CNTN4: variants seen among roughly 807,000 people sequenced by gnomAD.
The protein encoded by CNTN4 is contactin 4.
CNTN4 carries 77 observed loss-of-function variants against 122.5 expected under a neutral mutation model. The ratio of observed to expected loss-of-function variants is 0.63; its 90% confidence interval spans 0.52 to 0.76. CNTN4 has a LOEUF of 0.76. CNTN4 is among the 30% of genes least tolerant of loss of function. The pLI, the probability that CNTN4 is intolerant of heterozygous loss-of-function variation, is 0.00. For missense variants in CNTN4, 1,256 were observed against 1,259.1 expected (o/e 1.00, Z 0.04); for synonymous variants, 512 against 447.0 (o/e 1.15, Z -1.83).
At chr3:2,346,342 A>C (rs1266854640) in intron 3 of CNTN4, among the ~76,000 whole-genome samples, 2 of 152,094 alleles carry the variant, frequency 1.3e-5, no homozygotes, top group Non-Finnish European at 2.9e-5. Context: ...GTTATTTTCT[A>C]TGCATATTAT....
At chr3:2,626,856 G>T (rs1312165861) in intron 4 of CNTN4, among the ~76,000 whole-genome samples, 1 of 152,270 alleles carries the variant, frequency 6.6e-6, no homozygotes, top group African/African-American at 2.4e-5. Flanking sequence ...CAAGCGTCTA[G>T]GCCTCCACAT....
intron 3 of CNTN4, among the ~76,000 whole-genome samples, chr3:2,543,594 G>T (rs1481842930): frequency 1.3e-5 from 2 of 152,074 alleles, no homozygotes; most frequent in African/African-American, 4.8e-5. Context: ...TAGCTTCAGT[G>T]AGGATAATAG....
chr3:2,699,192 C>T (rs573410495), intron 4 of CNTN4, among the ~76,000 whole-genome samples: 1 of 152,142 alleles, frequency 6.6e-6, no homozygotes, highest in East Asian at 1.9e-4. Context: ...GGTATAACTT[C>T]AGATTAATGA....
chr3:2,245,530 C>G (rs187823940), intron 2 of CNTN4, among the ~76,000 whole-genome samples: 4 of 152,092 alleles, frequency 2.6e-5, no homozygotes, highest in Admixed American at 2.6e-4. Flanking sequence ...CCAATAACTC[C>G]TATTGCATTG....
intron 2 of CNTN4, among the ~76,000 whole-genome samples, chr3:2,107,774 A>T (rs1574837410): frequency 6.6e-6 from 1 of 152,236 alleles, no homozygotes; most frequent in Non-Finnish European, 1.5e-5. Context: ...TAAGGAAGGG[A>T]GTGGGGGTTT....
chr3:2,642,454 G>A (rs1281293274), intron 4 of CNTN4, among the ~76,000 whole-genome samples: 1 of 152,124 alleles, frequency 6.6e-6, no homozygotes, highest in African/African-American at 2.4e-5. Context: ...GTCCAGTCAA[G>A]TTGACACCCA....
At chr3:2,262,629 G>GTT (rs11391764) in intron 2 of CNTN4, among the ~76,000 whole-genome samples, 24,890 of 144,068 alleles carry the variant, frequency 0.17, 2,595 homozygotes, top group East Asian at 0.44. Flanking sequence ...GCTGTTCCGT[G>GTT]TTTTTTTTTT....
At chr3:3,001,536 G>T (rs757821846) in intron 14 of CNTN4, among the ~76,000 whole-genome samples, 1 of 152,188 alleles carries the variant, frequency 6.6e-6, no homozygotes, top group Non-Finnish European at 1.5e-5. Flanking sequence ...CTGTCAGAGT[G>T]TTTAAACCTT....
chr3:2,864,221 A>G lies in CNTN4; in HGVS notation c.455-2531A>G, dbSNP rs577028963. ...ATTGTCCTCATTTTATGGACCAAGA[A>G]GCTGAACATGAAGTTTAAATGGCTT... On this transcript the variant is annotated intron_variant, in intron 7 of 24. Coordinates refer to ENST00000418658, the MANE Select transcript of CNTN4 (RefSeq NM_175607.3). 2.6e-5 allele frequency among the ~76,000 whole-genome samples: 4 copies of G among 152,326 alleles called. No homozygotes were observed. The South Asian group carries it at 8.3e-4, about 32-fold the overall frequency.
At chr3:2,557,660 C>T (rs1377333500) in intron 3 of CNTN4, among the ~76,000 whole-genome samples, 5 of 151,072 alleles carry the variant, frequency 3.3e-5, no homozygotes, top group Non-Finnish European at 5.9e-5. Flanking sequence ...ACCTGGGAGG[C>T]GGAGCTTGCA....
At chr3:2,386,939 C>T (rs1207689701) in intron 3 of CNTN4, among the ~76,000 whole-genome samples, 2 of 152,160 alleles carry the variant, frequency 1.3e-5, no homozygotes, top group African/African-American at 4.8e-5. Flanking sequence ...ATGTGGCAAA[C>T]CCGTGAACCT....
At chr3:2,319,959 A>G (rs550634868) in intron 2 of CNTN4, among the ~76,000 whole-genome samples, 18 of 152,314 alleles carry the variant, frequency 1.2e-4, no homozygotes, top group African/African-American at 4.3e-4. Flanking sequence ...TTCTTTGCCC[A>G]TCATAATAAA....
At chr3:3,021,533 T>C (rs1454383857) in intron 14 of CNTN4, among the ~76,000 whole-genome samples, 2 of 152,142 alleles carry the variant, frequency 1.3e-5, no homozygotes, top group East Asian at 3.9e-4. Context: ...AAGATACAAC[T>C]CTACTGAAAG....
rs560096295 is a variant in CNTN4, at chr3:2,161,931, C to T, written c.-145+61292C>T. Among the ~76,000 whole-genome samples, 281 of 152,208 alleles carry T rather than the reference C, an allele frequency of 1.8e-3. 1 individual carries two copies. Among genetic ancestry groups the T allele is most frequent in the Non-Finnish European group, 3.0e-3 (206 of 68,010 alleles). ...AAAAGAAGCCTGGAATAATCTGCTCCGTTCTTTGACATAAATTGATTGATT... is the reference window on the plus strand; with the variant it reads ...AAAAGAAGCCTGGAATAATCTGCTCTGTTCTTTGACATAAATTGATTGATT... On this transcript the variant is annotated intron_variant, in intron 2 of 24. Coordinates refer to ENST00000418658, the MANE Select transcript of CNTN4 (RefSeq NM_175607.3).
chr3:2,518,955 G>A (rs748220471), intron 3 of CNTN4, among the ~76,000 whole-genome samples: 2 of 152,162 alleles, frequency 1.3e-5, no homozygotes, highest in Non-Finnish European at 2.9e-5. Context: ...GTTGAACAAA[G>A]AGAGGCAATT....
intron 13 of CNTN4, among the ~76,000 whole-genome samples, chr3:2,982,558 G>A (rs889510388): frequency 1.8e-4 from 27 of 152,036 alleles, no homozygotes; most frequent in African/African-American, 4.8e-5. Flanking sequence ...TATATGGTAG[G>A]CAAAATAATT....
At chr3:2,922,214 T>A (rs747813709) in intron 12 of CNTN4, among the ~76,000 whole-genome samples, 6 of 152,242 alleles carry the variant, frequency 3.9e-5, no homozygotes, top group Non-Finnish European at 8.8e-5. Context: ...ACTAATTTTT[T>A]AAGTGCCAGC....
At chr3:2,198,028 G>GAAAA (rs5846169) in intron 2 of CNTN4, among the ~76,000 whole-genome samples, 2 of 138,080 alleles carry the variant, frequency 1.4e-5, no homozygotes, top group African/African-American at 2.8e-5. Context: ...ACTCTCTCTG[G>GAAAA]AAAAAAAAAA....
intron 3 of CNTN4, among the ~76,000 whole-genome samples, chr3:2,374,654 G>T (rs62244055): frequency 0.2 from 30,791 of 151,996 alleles, 3,304 homozygotes; most frequent in African/African-American, 0.24. Context: ...AGAAAAAAAG[G>T]CCATGCTTCT....
Sources: gnomAD v4.1 joint callset for allele counts (sites outside exome capture counted in the v4.1 genomes callset) on GRCh38, gnomAD v4.1.1 for gene constraint, MANE v1.5 for transcripts, NCBI Gene and HGNC (gene_info 2026-07-23, HGNC 2026-07-21) for gene names.